Variants in ZNF423 observed in about 807,000 individuals in gnomAD.
The protein encoded by ZNF423 is zinc finger protein 423, also known as Ebf-associated zinc finger protein.
A neutral mutation model predicts 95.8 loss-of-function variants in ZNF423; 12 were observed. The observed-to-expected ratio is 0.13, with a 90% CI of 0.08 to 0.20. The LOEUF (loss-of-function observed/expected upper bound fraction) is 0.20. Ranked by LOEUF, ZNF423 falls within the 10% of genes least tolerant of loss-of-function variation. ZNF423 has a pLI of 1.00. For missense variants in ZNF423, 1,316 were observed against 1,737.1 expected (o/e 0.76, Z 4.31); for synonymous variants, 749 against 711.9 (o/e 1.05, Z -0.83).
At chr16:49,802,535 G>T (rs541260506) in intron 1 of ZNF423, among the ~76,000 whole-genome samples, 1 of 152,328 alleles carries the variant, frequency 6.6e-6, no homozygotes, top group South Asian at 2.1e-4. Flanking sequence ...CTGCTGAGCA[G>T]AATAAATGTG....
chr16:49,769,864 C>T (rs1372403101), intron 2 of ZNF423, among the ~76,000 whole-genome samples: 1 of 151,902 alleles, frequency 6.6e-6, no homozygotes, highest in African/African-American at 2.4e-5. Flanking sequence ...TTCTGTCCCA[C>T]AGTGGGGAAC....
At position 49,525,445 on chromosome 16, in the gene ZNF423, G is replaced by A. The variant is rs1968565362; in HGVS notation, c.3651C>T (p.Ser1217=). Residue 1217 remains serine (S), a synonymous_variant, in exon 6 of 8, where the codon TCC becomes TCT. Transcript: ENST00000563137. ...TGAGGTGACAGAGGAGCTTGGCCGG[G>A]GAGTCGAACATCTGGTTGCACAGCT... is the stretch of plus-strand genomic sequence containing the variant. The part of the protein sequence containing the change: ...ECKLCNQMFD[S]PAKLLCHLIE... 1.2e-6 allele frequency: 2 copies of A among 1,613,954 alleles called. No homozygotes were observed. The highest frequency in any genetic ancestry group is 1.7e-6 in the Non-Finnish European group (2 of 1,179,988).
chr16:49,706,034 CG>C (rs1365977507), intron 3 of ZNF423, among the ~76,000 whole-genome samples: 2 of 151,882 alleles, frequency 1.3e-5, no homozygotes, highest in Non-Finnish European at 2.9e-5. Context: ...AGGCACACTG[CG>C]GGGTGGTGTT....
chr16:49,772,675 C>A (rs1339389065), intron 2 of ZNF423, among the ~76,000 whole-genome samples: 1 of 152,212 alleles, frequency 6.6e-6, no homozygotes, highest in Non-Finnish European at 1.5e-5. Context: ...GAGATACATC[C>A]ATGGAGAATG....
intron 2 of ZNF423, among the ~76,000 whole-genome samples, chr16:49,775,544 C>T (rs1011809796): frequency 1.3e-5 from 2 of 152,218 alleles, no homozygotes; most frequent in African/African-American, 4.8e-5. Flanking sequence ...TGTACCCTCT[C>T]ACTTGTCCTT....
chr16:49,730,988 T>C lies in ZNF423; in HGVS notation c.101-17A>G. The stretch of plus-strand genomic sequence containing the variant: ...CTAGGCCTCCTGCCAACAGGAAGAA[T>C]ACAGTCCATGTCAGCTGATGGGGTC... On this transcript the variant is annotated splice_polypyrimidine_tract_variant and intron_variant, in intron 2 of 7. Coordinates refer to ENST00000563137, the MANE Select transcript of ZNF423 (RefSeq NM_001379286.1). 6.2e-7 allele frequency: 1 copy of C among 1,613,916 alleles called. No homozygotes were observed. The highest frequency in any genetic ancestry group is 8.5e-7 in the Non-Finnish European group (1 of 1,179,786).
intron 5 of ZNF423, among the ~76,000 whole-genome samples, chr16:49,538,164 G>C (rs1969119837): frequency 6.6e-6 from 1 of 152,218 alleles, no homozygotes; most frequent in African/African-American, 2.4e-5. Flanking sequence ...GGCAGGTAAA[G>C]AATGGGCTCA....
chr16:49,839,611 G>T (rs1023159287), intron 1 of ZNF423, among the ~76,000 whole-genome samples: 2 of 152,208 alleles, frequency 1.3e-5, no homozygotes, highest in African/African-American at 4.8e-5. Context: ...GCAAGACTGG[G>T]ACCCTGAAGC....
Position 49,603,008 on chromosome 16 carries a change from G to A in ZNF423, c.3601+23162C>T, listed in dbSNP as rs920009061. Among the ~76,000 whole-genome samples, 14 of 152,190 alleles carry A rather than the reference G, an allele frequency of 9.2e-5. No homozygotes were observed. Among genetic ancestry groups the A allele is most frequent in the Non-Finnish European group, 1.8e-4 (12 of 68,028 alleles). On this transcript the variant is annotated intron_variant, in intron 5 of 7. Transcript: ENST00000563137. This position sits in a 1 kb window ranked among gnomAD's most constrained non-coding sequence, Gnocchi z 4.1. ...CGTGGAGCCCTGGCACCTCGGTTTCGCAGAGAAACGTGTCCCTGAAATGCC... is the reference window on the plus strand; with the variant it reads ...CGTGGAGCCCTGGCACCTCGGTTTCACAGAGAAACGTGTCCCTGAAATGCC...
Position 49,635,711 on chromosome 16 carries a change from C to A in ZNF423, c.3465G>T (p.Thr1155=), listed in dbSNP as rs370113263. 14 of 1,605,094 alleles carry A rather than the reference C, an allele frequency of 8.7e-6. No homozygotes were observed. The highest frequency in any genetic ancestry group is 1.0e-5 in the Non-Finnish European group (12 of 1,177,084). ...CTTTCCGGGGCCCACTGGTCTCCGG[C>A]GTGAGGTCACGGTGGTCCACCTGCA... is the stretch of plus-strand genomic sequence containing the variant. The part of the protein sequence containing the change: ...SHMQVDHRDL[T]PETSGPRKGT... The change falls in exon 4 of 8, where the codon ACG becomes ACT. Residue 1155 remains threonine, a synonymous_variant. Coordinates refer to ENST00000563137, the MANE Select transcript of ZNF423 (RefSeq NM_001379286.1). The surrounding 1 kb of genome is among the most constrained non-coding windows in gnomAD (Gnocchi z 4.8).
At chr16:49,696,994 G>A (rs553032274) in intron 3 of ZNF423, among the ~76,000 whole-genome samples, 6 of 152,204 alleles carry the variant, frequency 3.9e-5, no homozygotes, top group Non-Finnish European at 5.9e-5. Context: ...AGGAGACAAA[G>A]CTCACAGGGA....
intron 7 of ZNF423, among the ~76,000 whole-genome samples, chr16:49,520,254 T>C (rs1407378024): frequency 6.6e-6 from 1 of 152,194 alleles, no homozygotes; most frequent in Non-Finnish European, 1.5e-5. Context: ...GCTAGTTCCC[T>C]CTCATGTTCC....
chr16:49,745,132 C>T (rs1408580768), intron 2 of ZNF423, among the ~76,000 whole-genome samples: 1 of 152,016 alleles, frequency 6.6e-6, no homozygotes, highest in African/African-American at 2.4e-5. Flanking sequence ...AAAAAAGTTT[C>T]CATGCAGGAA....
At chr16:49,656,509 T>TA (rs55748087) in intron 3 of ZNF423, among the ~76,000 whole-genome samples, 62 of 145,036 alleles carry the variant, frequency 4.3e-4, no homozygotes, top group African/African-American at 1.0e-3. Context: ...GACTCTGTCT[T>TA]AAAAAAAAAA....
At chr16:49,654,128 G>A (rs1231483518) in intron 3 of ZNF423, among the ~76,000 whole-genome samples, 1 of 152,208 alleles carries the variant, frequency 6.6e-6, no homozygotes, top group Non-Finnish European at 1.5e-5. Context: ...GAAGGAGCTT[G>A]GAATGACTCC....
Position 49,635,648 on chromosome 16 carries a change from G to A in ZNF423, c.3516+12C>T. 6.5e-7 allele frequency: 1 copy of A among 1,549,176 alleles called. No individual in the cohort carries two copies. Among genetic ancestry groups the A allele is most frequent in the Non-Finnish European group, 8.7e-7 (1 of 1,150,402 alleles). ...GAGGAGCAGGGAGCAGGATGAGGTG[G>A]ACTGCACTTACCCGGGGCACTGGCG... On this transcript the variant is annotated intron_variant, in intron 4 of 7. Coordinates refer to ENST00000563137, the MANE Select transcript of ZNF423 (RefSeq NM_001379286.1). The surrounding 1 kb of genome is among the most constrained non-coding windows in gnomAD (Gnocchi z 4.8).
chr16:49,666,946 G>A (rs1256051965), intron 3 of ZNF423, among the ~76,000 whole-genome samples: 1 of 152,198 alleles, frequency 6.6e-6, no homozygotes. Context: ...CCAGTGGGGA[G>A]GAAGGAGGCC....
intron 3 of ZNF423, among the ~76,000 whole-genome samples, chr16:49,660,843 G>A (rs538465159): frequency 3.3e-5 from 5 of 149,336 alleles, no homozygotes; most frequent in African/African-American, 1.3e-4. Context: ...TGGGGGGATG[G>A]GGGGGGAGCT....
chr16:49,748,739 T>C (rs2033574173), intron 2 of ZNF423, among the ~76,000 whole-genome samples: 2 of 152,190 alleles, frequency 1.3e-5, no homozygotes, highest in Non-Finnish European at 2.9e-5. Context: ...GGAAAGTATC[T>C]TGATGGGTAC....
Sources: gnomAD v4.1 joint callset for allele counts (sites outside exome capture counted in the v4.1 genomes callset) on GRCh38, gnomAD v4.1.1 for gene constraint, Gnocchi (gnomAD v3.1) non-coding constraint, MANE v1.5 for transcripts, NCBI Gene and HGNC (gene_info 2026-07-23, HGNC 2026-07-21) for gene names.